Variants in PPP5C observed in about 807,000 individuals in gnomAD.
The protein encoded by PPP5C is protein phosphatase 5 catalytic subunit, also known as serine/threonine-protein phosphatase 5.
A neutral mutation model predicts 66.7 loss-of-function variants in PPP5C; 21 were observed. The observed-to-expected ratio is 0.31, with a 90% CI of 0.22 to 0.45. The LOEUF is 0.45. PPP5C is among the 20% of genes least tolerant of loss of function. The pLI, the probability that PPP5C is intolerant of heterozygous loss-of-function variation, is 1.00. For synonymous variants in PPP5C, 246 were observed against 257.4 expected, an observed-to-expected ratio of 0.96 and a Z score of 0.43; for missense variants, 464 against 675.9, an observed-to-expected ratio of 0.69 and a Z score of 3.48.
At chr19:46,377,491 C>T (rs1237643754) in intron 4 of PPP5C, among the ~76,000 whole-genome samples, 2 of 152,218 alleles carry the variant, frequency 1.3e-5, no homozygotes, top group Non-Finnish European at 2.9e-5. Flanking sequence ...GGAATGTCCA[C>T]ATTCCTGGTT....
chr19:46,354,076 C>T (rs1162082605), intron 2 of PPP5C, 87 bp downstream of exon 2: 3 of 1,511,564 alleles, frequency 2.0e-6, no homozygotes, highest in Non-Finnish European at 2.7e-6. Flanking sequence ...AGGAGCCATT[C>T]ACTCCTCTAC....
chr19:46,377,372 G>C (rs903730919), intron 4 of PPP5C, among the ~76,000 whole-genome samples: 1 of 152,218 alleles, frequency 6.6e-6, no homozygotes. Flanking sequence ...GCTGTTGTAA[G>C]GAGTAACTGC....
chr19:46,377,327 G>C (rs1267121415), intron 4 of PPP5C, among the ~76,000 whole-genome samples: 1 of 152,138 alleles, frequency 6.6e-6, no homozygotes, highest in African/African-American at 2.4e-5. Context: ...TTCCTCCTCT[G>C]TGCAGTGGAG....
intron 2 of PPP5C, among the ~76,000 whole-genome samples, chr19:46,355,741 T>A (rs926195167): frequency 6.6e-6 from 1 of 151,796 alleles, no homozygotes; most frequent in African/African-American, 2.4e-5. Context: ...ATGACATGGT[T>A]GAGTAAAGGT....
rs769674056 is a variant in PPP5C at position 46,390,397 on chromosome 19, C to T, written c.*51C>T. ...CCAGGGCCCCTCCAATCCCACCGGA[C>T]CCAGGCCCTGGGCTAGGGGCAGAGC... On this transcript the variant is annotated 3_prime_UTR_variant, in exon 13 of 13. Coordinates refer to ENST00000012443, the MANE Select transcript of PPP5C (RefSeq NM_006247.4). 7.6e-5 allele frequency: 118 copies of T among 1,551,426 alleles called. No individual in the cohort carries two copies. The highest frequency in any genetic ancestry group is 2.9e-5 in the Non-Finnish European group (33 of 1,147,392).
At chr19:46,389,865 C>T (rs1225548146) in intron 11 of PPP5C, among the ~76,000 whole-genome samples, 186 bp from the exon 12 acceptor site, 3 of 151,814 alleles carry the variant, frequency 2.0e-5, no homozygotes, top group Non-Finnish European at 4.4e-5. Flanking sequence ...CATCCCCATC[C>T]TCCTGCCCCT....
In PPP5C at chr19:46,388,363, C is replaced by T. The variant is rs368929831; in HGVS notation, c.1136-45C>T. On this transcript the variant is annotated intron_variant, in intron 9 of 12. Coordinates refer to ENST00000012443, the MANE Select transcript of PPP5C (RefSeq NM_006247.4). This position sits in a 1 kb window ranked among gnomAD's most constrained non-coding sequence, Gnocchi z 4.9. ...GAGGTGGCCTGTGAGTGACCACCCCCGGGGAGGTGGACGAGTCCCTAATGT... is the reference window on the plus strand; with the variant it reads ...GAGGTGGCCTGTGAGTGACCACCCCTGGGGAGGTGGACGAGTCCCTAATGT... 8.7e-5 allele frequency: 138 copies of T among 1,582,604 alleles called. 1 individual carries two copies. In the African/African-American group the frequency reaches 1.2e-3, roughly 14 times the overall value.
intron 2 of PPP5C, among the ~76,000 whole-genome samples, chr19:46,372,904 G>A (rs1047591949): frequency 4.6e-5 from 7 of 152,232 alleles, no homozygotes; most frequent in African/African-American, 1.7e-4. Flanking sequence ...CCTTCCTCAG[G>A]AGCAGGAGCC....
At chr19:46,384,759 GCACC>G in intron 6 of PPP5C, 41 bp from the exon 7 acceptor site, 59 of 1,342,406 alleles carry the variant, frequency 4.4e-5, no homozygotes, top group Non-Finnish European at 5.7e-5. Flanking sequence ...CCACCGCACC[GCACC>G]CTTCCCCTCC....
rs182091743 is a variant in PPP5C at position 46,356,283 on chromosome 19, T to C, written c.363+2294T>C. Among the ~76,000 whole-genome samples, 23 of 152,366 alleles carry C rather than the reference T, an allele frequency of 1.5e-4. 1 individual carries two copies. The East Asian group carries it at 4.1e-3, about 27-fold the overall frequency. ...CATGAACATGAGGGCTTACCTGTCA[T>C]CAGGCCATCCATATGCCTGCAGGCC... On this transcript the variant is annotated intron_variant, in intron 2 of 12. Transcript: ENST00000012443.
intron 12 of PPP5C, 34 bp downstream of exon 12, chr19:46,390,166 T>G (rs1972989498): frequency 6.2e-7 from 1 of 1,611,264 alleles, no homozygotes; most frequent in African/African-American, 1.3e-5. Flanking sequence ...GCCCCTTCCA[T>G]CCCGGCCTGG....
Position 46,353,780 on chromosome 19 carries a change from A to G in PPP5C, c.154A>G (p.Ser52Gly). Residue 52 changes from serine to glycine, a missense_variant, in exon 2 of 13, where the codon AGC becomes GGC. By Grantham distance (56) the Ser-to-Gly change is moderately conservative. Around this residue, in one of 2 missense-constraint regions of PPP5C, gnomAD observed 387 missense variants for 626.0 expected, o/e 0.62. Transcript: ENST00000012443. The stretch of plus-strand genomic sequence containing the variant: ...CTACGAGAACGCCATCAAGTTCTAC[A>G]GCCAGGCCATCGAGCTGAACCCCAG... ...KDYENAIKFY[S>G]QAIELNPSNA... 6.2e-7 allele frequency: 1 copy of G among 1,614,164 alleles called. No homozygotes were observed. The highest frequency in any genetic ancestry group is 8.5e-7 in the Non-Finnish European group (1 of 1,180,026).
At position 46,383,349 on chromosome 19, in the gene PPP5C, T is replaced by C. The variant is rs756325170; in HGVS notation, c.634-62T>C. 1 of 1,578,956 alleles carries C rather than the reference T, an allele frequency of 6.3e-7. No individual in the cohort carries two copies. Among genetic ancestry groups the C allele is most frequent in the South Asian group, 1.2e-5 (1 of 86,062 alleles). On this transcript the variant is annotated intron_variant, in intron 4 of 12. Transcript: ENST00000012443. The surrounding 1 kb of genome is among the most constrained non-coding windows in gnomAD (Gnocchi z 5.0). ...AGCGTCTCATGGGCAGTCCAGGCTTTCGGGGCCAGGTTGGGCAGCAGCCCC... is the reference window on the plus strand; with the variant it reads ...AGCGTCTCATGGGCAGTCCAGGCTTCCGGGGCCAGGTTGGGCAGCAGCCCC...
chr19:46,348,569 C>T (rs1972127332), intron 1 of PPP5C, among the ~76,000 whole-genome samples: 1 of 152,298 alleles, frequency 6.6e-6, no homozygotes, highest in Non-Finnish European at 1.5e-5. Flanking sequence ...CCATCTCGGC[C>T]TCTCAAAGTG....
chr19:46,390,590 T>G lies in PPP5C; in HGVS notation c.*244T>G. 2.9e-6 allele frequency: 4 copies of G among 1,362,058 alleles called. No individual in the cohort carries two copies. The highest frequency in any genetic ancestry group is 2.9e-5 in the East Asian group (1 of 35,044). 84.4% of individuals were successfully genotyped at this position (1,362,058 alleles called of 1,614,324 possible). A position where few individuals can be genotyped will look rare whatever the true frequency, so the allele number is the denominator to read the frequency against. On this transcript the variant is annotated 3_prime_UTR_variant, in exon 13 of 13. Coordinates refer to ENST00000012443, the MANE Select transcript of PPP5C (RefSeq NM_006247.4). Reference sequence around the variant, plus strand: ...AGCAGCTGGGGCTGGGGGCACAGCCTGGGCATTCTGTGGGGAGGCCGTCCT... The same window carrying G: ...AGCAGCTGGGGCTGGGGGCACAGCCGGGGCATTCTGTGGGGAGGCCGTCCT...
chr19:46,365,659 ATGG>A (rs1389487359), intron 2 of PPP5C, among the ~76,000 whole-genome samples: 3 of 152,104 alleles, frequency 2.0e-5, no homozygotes, highest in Admixed American at 2.0e-4. Context: ...CTTCTTCCTA[ATGG>A]GAGGCCCTTT....
At chr19:46,389,925 T>C (rs576083422) in intron 11 of PPP5C, 126 bp from the exon 12 acceptor site, 27 of 714,394 alleles carry the variant, frequency 3.8e-5, no homozygotes, top group South Asian at 3.0e-4. Context: ...TCTCTGTCCA[T>C]CTGTGTCTGT....
intron 11 of PPP5C, among the ~76,000 whole-genome samples, chr19:46,389,703 C>T (rs1196794859): frequency 3.3e-5 from 5 of 151,836 alleles, no homozygotes; most frequent in Admixed American, 6.6e-5. Flanking sequence ...CCCGTGGTGC[C>T]GTGTGACATG....
At chr19:46,385,283 CTG>C (rs1260701551) in intron 7 of PPP5C, among the ~76,000 whole-genome samples, 9 of 152,164 alleles carry the variant, frequency 5.9e-5, no homozygotes, top group Non-Finnish European at 2.9e-5. Context: ...AGTAAGGAGA[CTG>C]TTGACGAGGC....
Sources: allele counts gnomAD v4.1 joint callset (sites outside exome capture counted in the v4.1 genomes callset), GRCh38; gene constraint gnomAD v4.1.1; regional missense constraint gnomAD v4.1.1; non-coding constraint Gnocchi (gnomAD v3.1); transcripts MANE v1.5; gene names NCBI Gene and HGNC (gene_info 2026-07-23, HGNC 2026-07-21).